SYT16: variants seen among roughly 807,000 people sequenced by gnomAD.
The protein encoded by SYT16 is synaptotagmin-16.
In SYT16, 42 loss-of-function variants were observed where a neutral mutation model predicts 61.4. The observed-to-expected ratio is 0.68, with a 90% CI of 0.53 to 0.89. SYT16 has a LOEUF of 0.89. Ranked by LOEUF, SYT16 falls within the 40% of genes least tolerant of loss-of-function variation. The pLI, the probability that SYT16 is intolerant of heterozygous loss-of-function variation, is 0.00. For synonymous variants in SYT16, 314 were observed against 302.3 expected (o/e 1.04, Z -0.40); for missense variants, 804 against 807.3 (o/e 1.00, Z 0.05).
chr14:61,867,470 A>C (rs2047195382), intron 1 of SYT16, among the ~76,000 whole-genome samples: 1 of 152,068 alleles, frequency 6.6e-6, no homozygotes, highest in Non-Finnish European at 1.5e-5. Flanking sequence ...CCCTGTAGCC[A>C]ACGTCTAGAA....
Position 62,111,627 on chromosome 14 carries a change from C to T in SYT16, c.*10920C>T, listed in dbSNP as rs2057610655. ...AGAATTTCTTGGCAAATTGATTGTTCAAGGCCAGTTTTGTTAGTTGTAAGG... is the reference window on the plus strand; with the variant it reads ...AGAATTTCTTGGCAAATTGATTGTTTAAGGCCAGTTTTGTTAGTTGTAAGG... On this transcript the variant is annotated 3_prime_UTR_variant, in exon 8 of 8. Coordinates refer to ENST00000683842, the MANE Select transcript of SYT16 (RefSeq NM_001367656.1). The T allele has an allele frequency of 6.6e-6, 1 of 152,012 alleles. No individual in the cohort carries two copies. The highest frequency in any genetic ancestry group is 1.9e-4 in the East Asian group (1 of 5,194). 9.4% of individuals were successfully genotyped at this position (152,012 alleles called of 1,614,324 possible).
chr14:62,079,376 G>C (rs1381362933), intron 5 of SYT16: 1 of 1,225,502 alleles, frequency 8.2e-7, no homozygotes, highest in African/African-American at 1.6e-5. Flanking sequence ...ATATTTATTA[G>C]ATGTCTACTG....
intron 1 of SYT16, among the ~76,000 whole-genome samples, chr14:61,862,847 T>C (rs73256495): frequency 0.14 from 20,820 of 152,246 alleles, 1,575 homozygotes; most frequent in African/African-American, 0.2. Flanking sequence ...TTTTCCATAA[T>C]GTCATATGGT....
chr14:62,083,353 G>C lies in SYT16; in HGVS notation c.1435-843G>C, dbSNP rs181884540. ...TTCTGGTGGAGGAGATGGTGTTTCA[G>C]GGGGACAGGATTGCCTGCCCCCACA... On this transcript the variant is annotated intron_variant, in intron 6 of 7. Coordinates refer to ENST00000683842, the MANE Select transcript of SYT16 (RefSeq NM_001367656.1). Among the ~76,000 whole-genome samples, 454 of 152,292 alleles carry C rather than the reference G, an allele frequency of 3.0e-3. 1 individual carries two copies. The highest frequency in any genetic ancestry group is 7.7e-3 in the South Asian group (37 of 4,822).
chr14:61,866,993 A>G (rs996344641), intron 1 of SYT16, among the ~76,000 whole-genome samples: 3 of 151,858 alleles, frequency 2.0e-5, no homozygotes, highest in Non-Finnish European at 2.9e-5. Flanking sequence ...TTATTTTAAT[A>G]GCACTTGTTG....
intron 1 of SYT16, among the ~76,000 whole-genome samples, chr14:61,888,598 C>T (rs923378659): frequency 3.3e-5 from 5 of 152,190 alleles, no homozygotes; most frequent in Admixed American, 6.5e-5. Context: ...ATATTAACAT[C>T]AAAAGTCACT....
At chr14:61,891,558 C>T (rs999947085) in intron 1 of SYT16, among the ~76,000 whole-genome samples, 4 of 152,150 alleles carry the variant, frequency 2.6e-5, no homozygotes, top group African/African-American at 7.2e-5. Context: ...CTGGAGGGAC[C>T]AACAGCTGGG....
intron 1 of SYT16, among the ~76,000 whole-genome samples, chr14:61,931,229 C>G (rs752042378): frequency 1.3e-5 from 2 of 152,088 alleles, no homozygotes; most frequent in Admixed American, 1.3e-4. Context: ...TAAATGAAAA[C>G]AGCCCATTTT....
intron 1 of SYT16, among the ~76,000 whole-genome samples, chr14:61,864,611 C>T (rs564413482): frequency 2.0e-5 from 3 of 152,278 alleles, no homozygotes; most frequent in African/African-American, 2.4e-5. Flanking sequence ...CGGCCGCCGC[C>T]TCGCTGCGCG....
chr14:61,907,924 A>G (rs2048786977), intron 1 of SYT16, among the ~76,000 whole-genome samples: 1 of 152,236 alleles, frequency 6.6e-6, no homozygotes, highest in Non-Finnish European at 1.5e-5. Flanking sequence ...TTCAGGTGCC[A>G]CAGGATCTTT....
At position 61,948,162 on chromosome 14, in the gene SYT16, G is replaced by A. The variant is rs149921915; in HGVS notation, c.-324-21970G>A. ...TTAGGTATAACCATATCTGTGGCTC[G>A]TGTACCTAATTCTATTAGGGGTTAG... On this transcript the variant is annotated intron_variant, in intron 1 of 7. Transcript: ENST00000683842. 1.7e-3 allele frequency among the ~76,000 whole-genome samples: 252 copies of A among 152,196 alleles called. 1 individual carries two copies. Among genetic ancestry groups the A allele is most frequent in the African/African-American group, 5.7e-3 (237 of 41,534 alleles).
chr14:61,824,567 T>C (rs2045716291), intron 1 of SYT16, among the ~76,000 whole-genome samples: 1 of 152,198 alleles, frequency 6.6e-6, no homozygotes, highest in South Asian at 2.1e-4. Flanking sequence ...TTAGCCAGGA[T>C]GGTCTCAATC....
chr14:61,996,703 T>A (rs1241585179), intron 3 of SYT16, among the ~76,000 whole-genome samples, 161 bp downstream of exon 3: 1 of 152,072 alleles, frequency 6.6e-6, no homozygotes, highest in Non-Finnish European at 1.5e-5. Flanking sequence ...TTAGGAATAT[T>A]TTCAATATAT....
At chr14:62,038,064 T>C (rs988794378) in intron 3 of SYT16, among the ~76,000 whole-genome samples, 6 of 152,106 alleles carry the variant, frequency 3.9e-5, no homozygotes, top group African/African-American at 1.4e-4. Flanking sequence ...TTTCTTTTCC[T>C]ATCCTGCCTC....
At chr14:62,096,791 T>A (rs1050847610) in intron 7 of SYT16, among the ~76,000 whole-genome samples, 2 of 152,312 alleles carry the variant, frequency 1.3e-5, no homozygotes, top group Non-Finnish European at 2.9e-5. Flanking sequence ...CTAAAGGATC[T>A]TCAGTTGCAA....
At chr14:61,977,647 A>C (rs1279248463) in intron 2 of SYT16, among the ~76,000 whole-genome samples, 1 of 152,138 alleles carries the variant, frequency 6.6e-6, no homozygotes, top group Non-Finnish European at 1.5e-5. Context: ...TATGGGGATT[A>C]CAATTCAAGA....
At chr14:61,934,838 C>A (rs2049913440) in intron 1 of SYT16, among the ~76,000 whole-genome samples, 1 of 152,166 alleles carries the variant, frequency 6.6e-6, no homozygotes, top group Admixed American at 6.5e-5. Flanking sequence ...TCATTTGTAA[C>A]CCATAGTGAA....
chr14:61,847,574 C>T (rs973950573), intron 1 of SYT16, among the ~76,000 whole-genome samples: 2 of 152,078 alleles, frequency 1.3e-5, no homozygotes, highest in Non-Finnish European at 2.9e-5. Context: ...CTATAACCTT[C>T]TTGTACTTGA....
intron 3 of SYT16, among the ~76,000 whole-genome samples, chr14:62,013,026 G>A (rs978057762): frequency 6.6e-6 from 1 of 152,168 alleles, no homozygotes; most frequent in Non-Finnish European, 1.5e-5. Context: ...ATAATAAGTA[G>A]AGAGTGACAT....
Sources: gnomAD v4.1 joint callset for allele counts (sites outside exome capture counted in the v4.1 genomes callset) on GRCh38, gnomAD v4.1.1 for gene constraint, MANE v1.5 for transcripts, NCBI Gene and HGNC (gene_info 2026-07-23, HGNC 2026-07-21) for gene names.